Variants in NAALADL2 observed in about 807,000 individuals in gnomAD.
NAALADL2 encodes N-acetylated alpha-linked acidic dipeptidase like 2.
In NAALADL2, 76 loss-of-function variants were observed where a neutral mutation model predicts 87.2. The ratio of observed to expected loss-of-function variants is 0.87; its 90% CI spans 0.72 to 1.05. The LOEUF is 1.05. Ranked by LOEUF, NAALADL2 falls within the 50% of genes least tolerant of loss-of-function variation. The probability of loss-of-function intolerance (pLI) is 0.00; values close to 1 mark genes in which losing one functional copy is unlikely to be tolerated. For missense variants in NAALADL2, 1,089 were observed against 945.8 expected (o/e 1.15, Z -1.99); for synonymous variants, 354 against 331.0 (o/e 1.07, Z -0.75).
At chr3:174,544,042 G>GAAACA (rs1205200092) in intron 1 of NAALADL2, among the ~76,000 whole-genome samples, 1 of 150,754 alleles carries the variant, frequency 6.6e-6, no homozygotes, top group African/African-American at 2.4e-5. Context: ...GGCTTAAAAT[G>GAAACA]AAACAAAACA....
intron 5 of NAALADL2, among the ~76,000 whole-genome samples, chr3:175,433,534 C>T (rs978121365): frequency 1.1e-4 from 16 of 151,988 alleles, no homozygotes; most frequent in Non-Finnish European, 1.8e-4. Context: ...GGACCATTAG[C>T]GCTATACTAA....
rs146216483 is a variant in NAALADL2 at position 175,567,379 on chromosome 3, AT to A, written c.1654-8652del. On this transcript the variant is annotated intron_variant, in intron 9 of 13. Coordinates refer to ENST00000454872, the MANE Select transcript of NAALADL2 (RefSeq NM_207015.3). Reference sequence around the variant, plus strand: ...AGAGCAAATATTTTCGTATTTCTCTATTTTTTTTTTCTTAGAGATTGATCCT... The same window carrying A: ...AGAGCAAATATTTTCGTATTTCTCTATTTTTTTTTCTTAGAGATTGATCCT... Among the ~76,000 whole-genome samples, 1,153 of 150,060 alleles carry A rather than the reference AT, an allele frequency of 7.7e-3. 7 individuals carry two copies. Among genetic ancestry groups the A allele is most frequent in the African/African-American group, 0.025 (1,036 of 41,030 alleles).
At chr3:174,997,983 G>A (rs75577503) in intron 1 of NAALADL2, among the ~76,000 whole-genome samples, 3,699 of 152,180 alleles carry the variant, frequency 0.024, 124 homozygotes, top group East Asian at 0.17. Context: ...GATTTCCTTC[G>A]TGTTTTTTAC....
chr3:174,780,150 G>A (rs894727258), intron 3 of NAALADL2, among the ~76,000 whole-genome samples: 4 of 152,124 alleles, frequency 2.6e-5, no homozygotes, highest in African/African-American at 9.7e-5. Flanking sequence ...ATTTCCTTGA[G>A]CAGTGGTTTG....
intron 2 of NAALADL2, among the ~76,000 whole-genome samples, chr3:174,554,228 A>G (rs1266606021): frequency 1.3e-5 from 2 of 152,130 alleles, no homozygotes; most frequent in Non-Finnish European, 2.9e-5. Context: ...AAAGCTTTAT[A>G]CATAAACAAA....
intron 2 of NAALADL2, among the ~76,000 whole-genome samples, chr3:174,551,883 A>G (rs1712168759): frequency 6.6e-6 from 1 of 152,180 alleles, no homozygotes; most frequent in Non-Finnish European, 1.5e-5. Context: ...GATGTGGTGG[A>G]AGGAACATTG....
chr3:174,836,123 C>T (rs562860327), intron 3 of NAALADL2, among the ~76,000 whole-genome samples: 9 of 152,164 alleles, frequency 5.9e-5, no homozygotes, highest in East Asian at 1.9e-4. Context: ...AATAGATAAA[C>T]GTTGTATACA....
At chr3:175,113,118 A>T (rs1296584083) in intron 2 of NAALADL2, among the ~76,000 whole-genome samples, 2 of 151,650 alleles carry the variant, frequency 1.3e-5, no homozygotes, top group Non-Finnish European at 3.0e-5. Flanking sequence ...GATGGTTAGA[A>T]TTTGGTTCTG....
chr3:174,741,345 T>C (rs1733740275), intron 3 of NAALADL2, among the ~76,000 whole-genome samples: 1 of 151,692 alleles, frequency 6.6e-6, no homozygotes, highest in Non-Finnish European at 1.5e-5. Flanking sequence ...TTAAAATGCA[T>C]TTTGATAAAA....
chr3:175,309,333 C>T (rs964200402), intron 4 of NAALADL2, among the ~76,000 whole-genome samples: 4 of 151,896 alleles, frequency 2.6e-5, no homozygotes, highest in African/African-American at 7.3e-5. Flanking sequence ...TTACAGGCAC[C>T]CACCACCATG....
chr3:174,864,511 A>G (rs1303507936), intron 1 of NAALADL2, among the ~76,000 whole-genome samples: 1 of 152,068 alleles, frequency 6.6e-6, no homozygotes, highest in East Asian at 1.9e-4. Context: ...AAAGGGAAAC[A>G]TTTTACATTT....
At chr3:174,747,181 T>C (rs1434371760) in intron 3 of NAALADL2, among the ~76,000 whole-genome samples, 2 of 152,100 alleles carry the variant, frequency 1.3e-5, no homozygotes, top group Non-Finnish European at 2.9e-5. Flanking sequence ...TGTATGCATC[T>C]AACAAAGGCC....
chr3:175,023,243 G>C (rs1215791427), intron 1 of NAALADL2, among the ~76,000 whole-genome samples: 1 of 145,940 alleles, frequency 6.9e-6, no homozygotes, highest in Non-Finnish European at 1.5e-5. Flanking sequence ...TATCCATTGG[G>C]GATAAATAAA....
At chr3:175,026,870 A>C (rs1366180882) in intron 1 of NAALADL2, among the ~76,000 whole-genome samples, 1 of 152,098 alleles carries the variant, frequency 6.6e-6, no homozygotes, top group Admixed American at 6.6e-5. Flanking sequence ...AGAGATTCAC[A>C]TGAGTTATTT....
At chr3:175,687,846 T>C (rs1736514986) in intron 11 of NAALADL2, among the ~76,000 whole-genome samples, 1 of 151,930 alleles carries the variant, frequency 6.6e-6, no homozygotes, top group Admixed American at 6.6e-5. Flanking sequence ...TTTCTCTTGT[T>C]TCTGCTTGCC....
intron 5 of NAALADL2, among the ~76,000 whole-genome samples, chr3:175,427,983 T>A: frequency 6.6e-6 from 1 of 152,162 alleles, no homozygotes; most frequent in East Asian, 1.9e-4. Flanking sequence ...ATTTCTTTTT[T>A]AATGTAATCT....
intron 3 of NAALADL2, among the ~76,000 whole-genome samples, chr3:174,835,166 A>T (rs1723182945): frequency 6.6e-6 from 1 of 152,062 alleles, no homozygotes; most frequent in Non-Finnish European, 1.5e-5. Flanking sequence ...TTTTGTCAAG[A>T]CTTTAAAAAT....
At chr3:174,814,292 A>G (rs1002097191) in intron 3 of NAALADL2, among the ~76,000 whole-genome samples, 8 of 152,002 alleles carry the variant, frequency 5.3e-5, no homozygotes, top group South Asian at 2.1e-4. Context: ...TATTTTTAGT[A>G]GAGACAGGGT....
intron 5 of NAALADL2, among the ~76,000 whole-genome samples, chr3:175,327,864 A>G (rs1220080359): frequency 6.6e-6 from 1 of 152,230 alleles, no homozygotes; most frequent in African/African-American, 2.4e-5. Context: ...TGTCAATGCC[A>G]TGAATCAAAG....
Sources: gnomAD v4.1 joint callset for allele counts (sites outside exome capture counted in the v4.1 genomes callset) on GRCh38, gnomAD v4.1.1 for gene constraint, MANE v1.5 for transcripts, NCBI Gene and HGNC (gene_info 2026-07-23, HGNC 2026-07-21) for gene names.